Variants in SPOCK3 observed in about 807,000 individuals in gnomAD.
The protein encoded by SPOCK3 is SPARC (osteonectin), cwcv and kazal like domains proteoglycan 3.
SPOCK3 carries 30 observed loss-of-function variants against 56.6 expected under a neutral mutation model. The ratio of observed to expected loss-of-function variants is 0.53; its 90% CI spans 0.40 to 0.72. SPOCK3 has a LOEUF of 0.72. Among genes scored for constraint, SPOCK3 ranks in the 30% least tolerant of loss-of-function variants. The probability of loss-of-function intolerance (pLI) is 0.00; values close to 1 mark genes in which losing one functional copy is unlikely to be tolerated. For missense variants in SPOCK3, 527 were observed against 530.0 expected, an observed-to-expected ratio of 0.99 and a Z score of 0.06; for synonymous variants, 196 against 183.3, an observed-to-expected ratio of 1.07 and a Z score of -0.56.
chr4:166,926,089 T>C (rs1030332403), intron 4 of SPOCK3, among the ~76,000 whole-genome samples: 4 of 152,190 alleles, frequency 2.6e-5, no homozygotes, highest in Non-Finnish European at 4.4e-5. Context: ...GAAATTTTTA[T>C]AGGAAAATTA....
chr4:167,181,321 C>A (rs1731436054), intron 2 of SPOCK3, among the ~76,000 whole-genome samples: 2 of 152,136 alleles, frequency 1.3e-5, no homozygotes, highest in Admixed American at 1.3e-4. Context: ...AATTCTGTGA[C>A]CTCCTCCTTC....
intron 4 of SPOCK3, among the ~76,000 whole-genome samples, chr4:166,931,583 A>T (rs978431695): frequency 6.6e-6 from 1 of 152,212 alleles, no homozygotes; most frequent in African/African-American, 2.4e-5. Context: ...TCTGTAATAC[A>T]TAAGTGCTCA....
chr4:167,216,626 T>C (rs1407058222), intron 2 of SPOCK3, among the ~76,000 whole-genome samples: 1 of 152,078 alleles, frequency 6.6e-6, no homozygotes, highest in African/African-American at 2.4e-5. Context: ...CTTCCTGTAA[T>C]TGCAAGGTCA....
intron 5 of SPOCK3, 133 bp downstream of exon 5, chr4:166,912,487 A>C (rs1319311709): frequency 1.1e-6 from 1 of 943,688 alleles, no homozygotes; most frequent in Non-Finnish European, 1.6e-6. Flanking sequence ...ATTCCAAACC[A>C]GTGAGATTAT....
At chr4:166,833,476 T>C (rs1243730172) in intron 6 of SPOCK3, among the ~76,000 whole-genome samples, 1 of 152,202 alleles carries the variant, frequency 6.6e-6, no homozygotes, top group Non-Finnish European at 1.5e-5. Flanking sequence ...GGTATGTGTA[T>C]TTCCTTTTGG....
At chr4:166,905,401 G>T (rs557325748) in intron 5 of SPOCK3, among the ~76,000 whole-genome samples, 61 of 152,028 alleles carry the variant, frequency 4.0e-4, no homozygotes, top group African/African-American at 1.4e-3. Flanking sequence ...AATATATGTG[G>T]TGTTAGTCCT....
chr4:166,843,446 G>T (rs1000582673), intron 6 of SPOCK3, among the ~76,000 whole-genome samples: 1 of 152,236 alleles, frequency 6.6e-6, no homozygotes, highest in African/African-American at 2.4e-5. Context: ...ACATCAGTAC[G>T]TTTGGACCTC....
At position 167,023,193 on chromosome 4, in the gene SPOCK3, C is replaced by G. The variant is rs139402051; in HGVS notation, c.236-22730G>C. ...CAAGAGCAGAGGTCATTGCTGAGGT[C>G]CCGATATGGCACAATTCTTCAGGGG... is the stretch of plus-strand genomic sequence containing the variant. On this transcript the variant is annotated intron_variant, in intron 3 of 10. Coordinates refer to ENST00000357545, the MANE Select transcript of SPOCK3 (RefSeq NM_001040159.2). Among the ~76,000 whole-genome samples, 179 of 151,970 alleles carry G rather than the reference C, an allele frequency of 1.2e-3. 1 individual carries two copies. The highest frequency in any genetic ancestry group is 3.9e-3 in the African/African-American group (160 of 41,476).
chr4:166,970,939 G>A (rs960642174), intron 4 of SPOCK3, among the ~76,000 whole-genome samples: 1 of 152,000 alleles, frequency 6.6e-6, no homozygotes, highest in Non-Finnish European at 1.5e-5. Flanking sequence ...TGTTGCCTAG[G>A]CTGGCCTCAA....
At chr4:167,042,979 C>A (rs1006363441) in intron 3 of SPOCK3, among the ~76,000 whole-genome samples, 3 of 152,050 alleles carry the variant, frequency 2.0e-5, no homozygotes, top group African/African-American at 7.2e-5. Context: ...TGGTGAGGCA[C>A]ACACCACTGG....
At chr4:167,125,837 T>C (rs943007540) in intron 2 of SPOCK3, among the ~76,000 whole-genome samples, 2 of 152,226 alleles carry the variant, frequency 1.3e-5, no homozygotes, top group South Asian at 2.1e-4. Context: ...TGTTTCTGAT[T>C]GCTCTATCAC....
chr4:166,988,499 T>C (rs1405654471), intron 4 of SPOCK3, among the ~76,000 whole-genome samples: 2 of 152,104 alleles, frequency 1.3e-5, no homozygotes, highest in African/African-American at 2.4e-5. Context: ...GTGAATGGTC[T>C]AGTTGAGAAT....
intron 2 of SPOCK3, among the ~76,000 whole-genome samples, chr4:167,159,732 C>T (rs1017279871): frequency 6.6e-6 from 1 of 152,084 alleles, no homozygotes; most frequent in African/African-American, 2.4e-5. Flanking sequence ...AAGGCTGATT[C>T]AACATACGCA....
At chr4:167,135,680 CGT>C (rs57918767) in intron 2 of SPOCK3, among the ~76,000 whole-genome samples, 21,313 of 147,562 alleles carry the variant, frequency 0.14, 1,557 homozygotes, top group Non-Finnish European at 0.17. Flanking sequence ...CTATATAAAA[CGT>C]GTGTGTGTGT....
rs190065966 is a variant in SPOCK3, at chr4:167,076,793, G to A, written c.190-14256C>T. On this transcript the variant is annotated intron_variant, in intron 2 of 10. Transcript: ENST00000357545. ...ATTAGCCAATATAATAGACAATAAT[G>A]TATAACAAGAAAATAAAAAAGATGT... Among the ~76,000 whole-genome samples, 292 of 151,710 alleles carry A rather than the reference G, an allele frequency of 1.9e-3. 1 individual carries two copies. The highest frequency in any genetic ancestry group is 6.6e-3 in the African/African-American group (274 of 41,438).
chr4:167,090,016 A>G (rs1454764699), intron 2 of SPOCK3, among the ~76,000 whole-genome samples: 3 of 152,134 alleles, frequency 2.0e-5, no homozygotes, highest in Admixed American at 2.0e-4. Flanking sequence ...CAATTTGGGT[A>G]TCCTTTCGGC....
chr4:167,014,737 T>C (rs1750439672), intron 3 of SPOCK3, among the ~76,000 whole-genome samples: 1 of 151,756 alleles, frequency 6.6e-6, no homozygotes. Context: ...GCTATCAAAA[T>C]AGCTAACACA....
chr4:166,925,777 T>A (rs1739026408), intron 4 of SPOCK3, among the ~76,000 whole-genome samples: 1 of 152,100 alleles, frequency 6.6e-6, no homozygotes, highest in African/African-American at 2.4e-5. Context: ...AAAAATACAA[T>A]TCTCAACAAA....
chr4:167,135,163 C>T (rs1469073022), intron 2 of SPOCK3, among the ~76,000 whole-genome samples: 1 of 150,906 alleles, frequency 6.6e-6, no homozygotes, highest in Non-Finnish European at 1.5e-5. Flanking sequence ...TTTAAATTTT[C>T]CTGAACATAA....
Sources: gnomAD v4.1 joint callset for allele counts (sites outside exome capture counted in the v4.1 genomes callset) on GRCh38, gnomAD v4.1.1 for gene constraint, MANE v1.5 for transcripts, NCBI Gene and HGNC (gene_info 2026-07-23, HGNC 2026-07-21) for gene names.